KSR1: variants seen among roughly 807,000 people sequenced by gnomAD.
KSR1 encodes the protein kinase suppressor of ras.
KSR1 carries 35 observed loss-of-function variants against 92.9 expected under a neutral mutation model. The observed-to-expected ratio is 0.38, with a 90% CI of 0.29 to 0.50. KSR1 has a LOEUF of 0.50. Among genes scored for constraint, KSR1 ranks in the 20% least tolerant of loss-of-function variants. KSR1 has a pLI of 0.94. For synonymous variants in KSR1, 467 were observed against 472.6 expected (o/e 0.99, Z 0.15); for missense variants, 972 against 1,158.5 (o/e 0.84, Z 2.34).
At chr17:27,480,190 A>G (rs928711834) in intron 1 of KSR1, among the ~76,000 whole-genome samples, 2 of 151,920 alleles carry the variant, frequency 1.3e-5, no homozygotes, top group Non-Finnish European at 2.9e-5. Context: ...CATCCCCTAG[A>G]TGCCCCCAGG....
intron 1 of KSR1, among the ~76,000 whole-genome samples, chr17:27,496,066 T>C (rs906694337): frequency 6.6e-6 from 1 of 152,222 alleles, no homozygotes; most frequent in Non-Finnish European, 1.5e-5. Flanking sequence ...ATCTGGCTTG[T>C]TGGGACCTCA....
intron 1 of KSR1, among the ~76,000 whole-genome samples, chr17:27,460,118 T>C (rs1266860321): frequency 3.3e-5 from 5 of 152,134 alleles, no homozygotes; most frequent in Non-Finnish European, 7.4e-5. Context: ...CTGTCTCCGC[T>C]AGACCCTCCT....
intron 1 of KSR1, among the ~76,000 whole-genome samples, chr17:27,534,610 G>A (rs1291699602): frequency 6.6e-6 from 1 of 152,192 alleles, no homozygotes; most frequent in Non-Finnish European, 1.5e-5. Context: ...TCACTATACT[G>A]CCCCTGGCTG....
At position 27,559,828 on chromosome 17, in the gene KSR1, G is replaced by C. The variant is rs909161850; in HGVS notation, c.372+9120G>C. ...GGAAATCAGAGCGCTTGTGAAGCGCGTGAGGAGGAGTCTGTGAGGAGGCTG... is the reference window on the plus strand; with the variant it reads ...GGAAATCAGAGCGCTTGTGAAGCGCCTGAGGAGGAGTCTGTGAGGAGGCTG... On this transcript the variant is annotated intron_variant, in intron 2 of 20. Coordinates refer to ENST00000644974, the MANE Select transcript of KSR1 (RefSeq NM_001394583.1). The surrounding 1 kb of genome is among the most constrained non-coding windows in gnomAD (Gnocchi z 4.2). Among the ~76,000 whole-genome samples the C allele has an allele frequency of 5.9e-5, 9 of 152,362 alleles. No individual in the cohort carries two copies. In the South Asian group the frequency reaches 1.7e-3, roughly 28 times the overall value.
At chr17:27,473,193 A>G (rs1439703378) in intron 1 of KSR1, among the ~76,000 whole-genome samples, 1 of 152,216 alleles carries the variant, frequency 6.6e-6, no homozygotes, top group Non-Finnish European at 1.5e-5. Context: ...TAACTGGTGG[A>G]GCTGAATTGT....
At chr17:27,585,683 C>T (rs1322066006) in intron 5 of KSR1, 22 bp downstream of exon 5, 1 of 761,638 alleles carries the variant, frequency 1.3e-6, no homozygotes, top group South Asian at 1.4e-5. Context: ...TCATTTCCAT[C>T]CCCTCTACCA....
intron 1 of KSR1, among the ~76,000 whole-genome samples, chr17:27,474,080 C>T (rs1017939080): frequency 1.3e-5 from 2 of 152,202 alleles, no homozygotes; most frequent in Admixed American, 6.5e-5. Flanking sequence ...CCTCCTAGAC[C>T]CCTAAACCAG....
chr17:27,581,884 G>A (rs767310365), intron 3 of KSR1, among the ~76,000 whole-genome samples: 15 of 152,198 alleles, frequency 9.9e-5, no homozygotes, highest in Non-Finnish European at 2.1e-4. Flanking sequence ...TCACTCGAAG[G>A]CTGGTGTAGA....
Position 27,623,697 on chromosome 17 carries a change from C to T in KSR1, c.*305C>T. 6 of 573,966 alleles carry T rather than the reference C, an allele frequency of 1.0e-5. No homozygotes were observed. The highest frequency in any genetic ancestry group is 1.8e-5 in the Non-Finnish European group (6 of 330,362). 35.6% of individuals were successfully genotyped at this position (573,966 alleles called of 1,614,324 possible). The stretch of plus-strand genomic sequence containing the variant: ...ATAATAAAAACAGTCTGTGCAGATG[C>T]ACTGGCACTGACGGCCAGGATGGCG... On this transcript the variant is annotated 3_prime_UTR_variant, in exon 21 of 21. Transcript: ENST00000644974.
At chr17:27,542,929 G>T (rs2071020540) in intron 1 of KSR1, among the ~76,000 whole-genome samples, 1 of 152,196 alleles carries the variant, frequency 6.6e-6, no homozygotes, top group African/African-American at 2.4e-5. Context: ...TGGTGCGAGG[G>T]GTAGAGCCTC....
chr17:27,601,753 G>A lies in KSR1; in HGVS notation c.1510+352G>A, dbSNP rs112691004. On this transcript the variant is annotated intron_variant, in intron 11 of 20. Coordinates refer to ENST00000644974, the MANE Select transcript of KSR1 (RefSeq NM_001394583.1). ...AGAGGACTTTTTGCTAATGCCTTAT[G>A]AGCATATGTCACCGTATCCTCCCTT... 3.3e-4 allele frequency: 216 copies of A among 661,204 alleles called. No individual in the cohort carries two copies. In the African/African-American group the frequency reaches 3.4e-3, roughly 11 times the overall value. The allele number at this position is 661,204 out of a possible 1,614,324, so 41.0% of individuals were successfully genotyped here.
intron 1 of KSR1, among the ~76,000 whole-genome samples, chr17:27,525,124 G>A (rs2070208485): frequency 6.6e-6 from 1 of 152,234 alleles, no homozygotes; most frequent in Admixed American, 6.5e-5. Flanking sequence ...TATTTAATAT[G>A]AAACTGTGCC....
At chr17:27,595,645 T>A (rs565381922) in intron 9 of KSR1, among the ~76,000 whole-genome samples, 84 of 122,178 alleles carry the variant, frequency 6.9e-4, no homozygotes, top group African/African-American at 2.3e-3. Flanking sequence ...ACCCCCCTTT[T>A]CTCATTTCTA....
intron 1 of KSR1, among the ~76,000 whole-genome samples, chr17:27,508,880 C>T (rs1168643443): frequency 6.6e-6 from 1 of 152,020 alleles, no homozygotes; most frequent in East Asian, 1.9e-4. Context: ...CAGATGCCTG[C>T]CACCATGCCT....
chr17:27,503,660 T>C (rs1467050723), intron 1 of KSR1, among the ~76,000 whole-genome samples: 1 of 152,186 alleles, frequency 6.6e-6, no homozygotes, highest in East Asian at 1.9e-4. Context: ...TCTCCTACCT[T>C]CTTCAGTTAG....
intron 2 of KSR1, among the ~76,000 whole-genome samples, chr17:27,570,458 C>A (rs1302230508): frequency 1.3e-5 from 2 of 152,206 alleles, no homozygotes; most frequent in East Asian, 3.8e-4. Flanking sequence ...CTTTCTTGAA[C>A]CCCTCTCATC....
rs753896881 is a variant in KSR1 at position 27,605,655 on chromosome 17, C to T, written c.1836C>T (p.Gly612=). 1.4e-5 allele frequency: 22 copies of T among 1,611,894 alleles called. No homozygotes were observed. Among genetic ancestry groups the T allele is most frequent in the South Asian group, 6.6e-5 (6 of 90,894 alleles). ...WGRVHRGRWH[G]EVAIRLLEMD... is the part of the protein sequence containing the mutation. ...GGGTGCACCGCGGCCGCTGGCATGGCGAGGTGGCCATTCGCCTGCTGGAGA... is the reference window on the plus strand; with the variant it reads ...GGGTGCACCGCGGCCGCTGGCATGGTGAGGTGGCCATTCGCCTGCTGGAGA... The change falls in exon 14 of 21, where the codon GGC becomes GGT. Residue 612 remains glycine (G), a synonymous_variant. Transcript: ENST00000644974.
rs560394381 is a variant in KSR1, at chr17:27,625,309, G to T, written c.*1917G>T. The T allele has an allele frequency of 6.6e-6, 1 of 152,300 alleles. No individual in the cohort carries two copies. Among genetic ancestry groups the T allele is most frequent in the Non-Finnish European group, 1.5e-5 (1 of 68,068 alleles). The allele number at this position is 152,300 out of a possible 1,614,324, so 9.4% of individuals were successfully genotyped here. On this transcript the variant is annotated 3_prime_UTR_variant, in exon 21 of 21. Transcript: ENST00000644974. Reference sequence around the variant, plus strand: ...CCTCCCTGACCCCTGACACCAGGCCGCAGTGGGCATGCACAGGCCCACAGA... The same window carrying T: ...CCTCCCTGACCCCTGACACCAGGCCTCAGTGGGCATGCACAGGCCCACAGA...
At chr17:27,538,478 CA>C (rs904170331) in intron 1 of KSR1, among the ~76,000 whole-genome samples, 1 of 152,208 alleles carries the variant, frequency 6.6e-6, no homozygotes, top group African/African-American at 2.4e-5. Flanking sequence ...CCTCATTAGC[CA>C]AAACTGTCAC....
Sources: allele counts gnomAD v4.1 joint callset (sites outside exome capture counted in the v4.1 genomes callset), GRCh38; gene constraint gnomAD v4.1.1; non-coding constraint Gnocchi (gnomAD v3.1); transcripts MANE v1.5; gene names NCBI Gene and HGNC (gene_info 2026-07-23, HGNC 2026-07-21).